Variants in RHOU observed in about 807,000 individuals in gnomAD.
The protein encoded by RHOU is ras homolog family member U, also known as rho-related GTP-binding protein RhoU.
RHOU carries 8 observed loss-of-function variants against 12.6 expected under a neutral mutation model. That is an observed-to-expected ratio of 0.64 (90% confidence interval 0.37 to 1.15). The LOEUF (loss-of-function observed/expected upper bound fraction) is 1.15, where lower values mean the gene tolerates loss of function less well. Ranked by LOEUF, RHOU falls within the 50% of genes most tolerant of loss-of-function variation. The pLI, the probability that RHOU is intolerant of heterozygous loss-of-function variation, is 0.01. For synonymous variants in RHOU, 161 were observed against 147.4 expected, an observed-to-expected ratio of 1.09 and a Z score of -0.67; for missense variants, 258 against 347.0, an observed-to-expected ratio of 0.74 and a Z score of 2.04.
At chr1:228,682,521 C>A in the RHOU span, among the ~76,000 whole-genome samples, 1 of 152,014 alleles carries the variant, frequency 6.6e-6, no homozygotes, top group South Asian at 2.1e-4. Flanking sequence ...GAGTTAGGAG[C>A]AATGTTTTCC....
chr1:228,736,404 A>G (rs919066358), intron 1 of RHOU, among the ~76,000 whole-genome samples: 6 of 152,164 alleles, frequency 3.9e-5, no homozygotes, highest in African/African-American at 7.2e-5. Flanking sequence ...CAGAGTTTCA[A>G]TCAGAAGGTG....
At chr1:228,707,127 C>T in the RHOU span, among the ~76,000 whole-genome samples, 22,597 of 75,324 alleles carry the variant, frequency 0.3, 3,248 homozygotes, top group Middle Eastern at 0.34. Flanking sequence ...TATATATATA[C>T]ATATATATAT....
chr1:228,718,001 C>CT, the RHOU span, among the ~76,000 whole-genome samples: 1 of 152,178 alleles, frequency 6.6e-6, no homozygotes. Flanking sequence ...GGCTGACCTC[C>CT]TTTGAGAACA....
the RHOU span, among the ~76,000 whole-genome samples, chr1:228,681,556 A>T: frequency 6.6e-6 from 1 of 152,152 alleles, no homozygotes; most frequent in African/African-American, 2.4e-5. Flanking sequence ...AGTGTGAAAA[A>T]TGCCTGGACG....
chr1:228,707,218 C>CAT, the RHOU span, among the ~76,000 whole-genome samples: 15 of 53,420 alleles, frequency 2.8e-4, no homozygotes, highest in South Asian at 1.0e-3. Flanking sequence ...TATATATATA[C>CAT]ATATATATAT....
the RHOU span, among the ~76,000 whole-genome samples, chr1:228,707,129 T>TAG: frequency 9.5e-6 from 1 of 105,754 alleles, no homozygotes; most frequent in Non-Finnish European, 1.7e-5. Context: ...TATATATACA[T>TAG]ATATATATAT....
At chr1:228,672,189 T>C in the RHOU span, among the ~76,000 whole-genome samples, 1 of 152,238 alleles carries the variant, frequency 6.6e-6, no homozygotes, top group Non-Finnish European at 1.5e-5. Flanking sequence ...GTTTTTGAGA[T>C]GGAGTTTTGC....
At chr1:228,714,805 G>A in the RHOU span, among the ~76,000 whole-genome samples, 2 of 139,522 alleles carry the variant, frequency 1.4e-5, no homozygotes, top group Admixed American at 7.5e-5. Flanking sequence ...GTGCAATGGC[G>A]TGGTCTCAGC....
chr1:228,661,654 C>G, the RHOU span, among the ~76,000 whole-genome samples: 1 of 152,174 alleles, frequency 6.6e-6, no homozygotes, highest in African/African-American at 2.4e-5. Context: ...GGATCACTTC[C>G]TTACACCTTA....
the RHOU span, chr1:228,687,846 C>A: frequency 8.5e-7 from 1 of 1,171,000 alleles, no homozygotes; most frequent in Non-Finnish European, 1.3e-6. Flanking sequence ...CTAATTTCCA[C>A]ATAGCCGTGG....
the RHOU span, among the ~76,000 whole-genome samples, chr1:228,647,085 A>G: frequency 2.0e-5 from 3 of 152,124 alleles, no homozygotes; most frequent in Non-Finnish European, 2.9e-5. Context: ...GAGAGGAAGC[A>G]CCCTACTTCG....
chr1:228,702,728 A>AT, the RHOU span, among the ~76,000 whole-genome samples: 1 of 152,142 alleles, frequency 6.6e-6, no homozygotes. Flanking sequence ...TTCTGAAGTC[A>AT]TTTTTTTATT....
At chr1:228,657,082 C>A in the RHOU span, among the ~76,000 whole-genome samples, 1,229 of 151,826 alleles carry the variant, frequency 8.1e-3, 11 homozygotes, top group Non-Finnish European at 0.011. Flanking sequence ...TCAAGACCAG[C>A]CTGGCCAACA....
the RHOU span, among the ~76,000 whole-genome samples, chr1:228,692,028 G>T: frequency 6.6e-5 from 10 of 152,174 alleles, no homozygotes; most frequent in African/African-American, 2.4e-4. Context: ...CTTCAAAAAT[G>T]CAGTGGTTGC....
the RHOU span, among the ~76,000 whole-genome samples, chr1:228,730,337 A>C: frequency 1.3e-5 from 2 of 152,152 alleles, no homozygotes; most frequent in Non-Finnish European, 2.9e-5. Context: ...AGCTTGAGGC[A>C]TGAGGTGTAG....
Position 228,743,908 on chromosome 1 carries a change from G to A in RHOU, c.*168G>A. 1.6e-6 allele frequency: 1 copy of A among 607,360 alleles called. No homozygotes were observed. Among genetic ancestry groups the A allele is most frequent in the Non-Finnish European group, 2.8e-6 (1 of 359,474 alleles). The allele number at this position is 607,360 out of a possible 1,614,324, so 37.6% of individuals were successfully genotyped here. A position where few individuals can be genotyped will look rare whatever the true frequency, so the allele number is the denominator to read the frequency against. ...TATTCTTTCTGCCTTTAATTTTCTT[G>A]TTTGTTTGAGCTTAGGGATGAGATA... is the stretch of plus-strand genomic sequence containing the variant. On this transcript the variant is annotated 3_prime_UTR_variant, in exon 3 of 3. Coordinates refer to ENST00000366691, the MANE Select transcript of RHOU (RefSeq NM_021205.6). The surrounding 1 kb of genome is among the most constrained non-coding windows in gnomAD (Gnocchi z 5.1).
the RHOU span, among the ~76,000 whole-genome samples, chr1:228,704,189 G>A: frequency 1.3e-5 from 2 of 151,974 alleles, no homozygotes; most frequent in Admixed American, 6.6e-5. Flanking sequence ...AAGTTGTTCC[G>A]CCTTACCAGA....
intron 1 of RHOU, among the ~76,000 whole-genome samples, chr1:228,736,217 T>A (rs1213894677): frequency 1.3e-4 from 14 of 109,414 alleles, no homozygotes; most frequent in Admixed American, 8.7e-4. Context: ...CACGGCGGAG[T>A]GGGCTTGGAG....
At chr1:228,731,976 G>A (rs192837603), upstream of RHOU, among the ~76,000 whole-genome samples, 240 of 152,290 alleles carry the variant, frequency 1.6e-3, 1 homozygote, top group African/African-American at 5.3e-3. Flanking sequence ...ACTGAGCAAA[G>A]ACATGGTTTT....
Sources: gnomAD v4.1 joint callset for allele counts (sites outside exome capture counted in the v4.1 genomes callset) on GRCh38, gnomAD v4.1.1 for gene constraint, Gnocchi (gnomAD v3.1) non-coding constraint, MANE v1.5 for transcripts, NCBI Gene and HGNC (gene_info 2026-07-23, HGNC 2026-07-21) for gene names.